Variants in MTMR3 observed in about 807,000 individuals in gnomAD.
The protein encoded by MTMR3 is myotubularin related protein 3, also known as phosphatidylinositol-3,5-bisphosphate 3-phosphatase MTMR3.
MTMR3 carries 32 observed loss-of-function variants against 132.4 expected under a neutral mutation model. The ratio of observed to expected loss-of-function variants is 0.24; its 90% CI spans 0.18 to 0.32. The LOEUF (loss-of-function observed/expected upper bound fraction) is 0.32, where lower values mean the gene tolerates loss of function less well. Ranked by LOEUF, MTMR3 falls within the 10% of genes least tolerant of loss-of-function variation. The probability of loss-of-function intolerance (pLI) is 1.00; values close to 1 mark genes in which losing one functional copy is unlikely to be tolerated. For synonymous variants in MTMR3, 556 were observed against 550.3 expected (o/e 1.01, Z -0.14); for missense variants, 1,216 against 1,489.6 (o/e 0.82, Z 3.02).
At position 29,970,163 on chromosome 22, in the gene MTMR3, G is replaced by T. The variant is rs1039866206; in HGVS notation, c.-84-813G>T. ...CCAGGTAAAGGTATTAGTACAGATT[G>T]TAAGTTTTTAGAAGAGCATAGAATA... On this transcript the variant is annotated intron_variant, in intron 2 of 19. Coordinates refer to ENST00000401950, the MANE Select transcript of MTMR3 (RefSeq NM_021090.4). 4.6e-5 allele frequency among the ~76,000 whole-genome samples: 7 copies of T among 152,250 alleles called. No homozygotes were observed. The South Asian group carries it at 1.2e-3, about 27-fold the overall frequency.
rs927518782 is a variant in MTMR3 at position 30,028,666 on chromosome 22, G to A, written c.*2865G>A. On this transcript the variant is annotated 3_prime_UTR_variant, in exon 20 of 20. Coordinates refer to ENST00000401950, the MANE Select transcript of MTMR3 (RefSeq NM_021090.4). ...TAAGATCCAGAGTGACCTGCTCAGA[G>A]CTCCCCAGAGGCCTTCACTCTTTGG... 6.6e-6 allele frequency: 1 copy of A among 152,374 alleles called. No individual in the cohort carries two copies. Among genetic ancestry groups the A allele is most frequent in the Non-Finnish European group, 1.5e-5 (1 of 68,056 alleles). The allele number at this position is 152,374 out of a possible 1,614,324, so 9.4% of individuals were successfully genotyped here. A position where few individuals can be genotyped will look rare whatever the true frequency, so the allele number is the denominator to read the frequency against.
chr22:29,940,694 A>G (rs1421509302), intron 1 of MTMR3, among the ~76,000 whole-genome samples: 1 of 150,282 alleles, frequency 6.7e-6, no homozygotes, highest in African/African-American at 2.5e-5. Context: ...GTGGTTGAAC[A>G]GTTTCCTTGG....
intron 2 of MTMR3, among the ~76,000 whole-genome samples, chr22:29,966,930 C>G (rs1456855291): frequency 6.6e-6 from 1 of 151,798 alleles, no homozygotes; most frequent in Non-Finnish European, 1.5e-5. Context: ...TCTGACTTAC[C>G]CTCAGTAGTC....
chr22:29,978,904 C>A, intron 4 of MTMR3, 32 bp from the exon 5 acceptor site: 1 of 1,458,712 alleles, frequency 6.9e-7, no homozygotes, highest in Non-Finnish European at 9.5e-7. Context: ...TTAACTGCTT[C>A]AGAACTCTGA....
intron 1 of MTMR3, among the ~76,000 whole-genome samples, chr22:29,951,136 T>C (rs1392554265): frequency 6.6e-6 from 1 of 151,020 alleles, no homozygotes; most frequent in Non-Finnish European, 1.5e-5. Flanking sequence ...GGCCATAGAG[T>C]GAGACTCAGT....
chr22:29,957,182 T>A (rs989804250), intron 2 of MTMR3, 94 bp downstream of exon 2: 1 of 151,148 alleles, frequency 6.6e-6, no homozygotes, highest in African/African-American at 2.4e-5. Flanking sequence ...TACAGGTTGA[T>A]TTTTGGGGAT....
At chr22:29,927,582 G>A (rs1334835946) in intron 1 of MTMR3, among the ~76,000 whole-genome samples, 1 of 151,982 alleles carries the variant, frequency 6.6e-6, no homozygotes, top group Non-Finnish European at 1.5e-5. Flanking sequence ...ATTTCGAGGT[G>A]TTTAGCCGGT....
At position 30,012,506 on chromosome 22, in the gene MTMR3, C is replaced by T; in HGVS notation, c.1260C>T (p.Thr420=). ...ACTGCTCAGATGGCTGGGACCGCAC[C>T]CCCCAGATTGTGGCATTGGCTAAGC... ...LVHCSDGWDR[T]PQIVALAKLL... The change falls in exon 13 of 20, where the codon ACC becomes ACT. Residue 420 remains threonine, a synonymous_variant. Coordinates refer to ENST00000401950, the MANE Select transcript of MTMR3 (RefSeq NM_021090.4). 1 of 1,613,868 alleles carries T rather than the reference C, an allele frequency of 6.2e-7. No individual in the cohort carries two copies.
rs2067943442 is a variant in MTMR3 at position 30,027,983 on chromosome 22, G to T, written c.*2182G>T. The T allele has an allele frequency of 6.6e-6, 1 of 152,356 alleles. No individual in the cohort carries two copies. Among genetic ancestry groups the T allele is most frequent in the South Asian group, 2.1e-4 (1 of 4,830 alleles). 9.4% of individuals were successfully genotyped at this position (152,356 alleles called of 1,614,324 possible). The stretch of plus-strand genomic sequence containing the variant: ...TGACCTTTGGCAAAGGAAAGCTACA[G>T]ATAGCCTTCCGACTCTAGACCTTGG... On this transcript the variant is annotated 3_prime_UTR_variant, in exon 20 of 20. Coordinates refer to ENST00000401950, the MANE Select transcript of MTMR3 (RefSeq NM_021090.4).
At chr22:30,023,423 C>T (rs1398532468) in intron 19 of MTMR3, 1 of 1,613,894 alleles carries the variant, frequency 6.2e-7, no homozygotes, top group African/African-American at 1.3e-5. Context: ...CTTTGGTTGG[C>T]TTCTCTTCTG....
chr22:29,944,869 T>C (rs2065923150), intron 1 of MTMR3, among the ~76,000 whole-genome samples: 1 of 152,248 alleles, frequency 6.6e-6, no homozygotes, highest in African/African-American at 2.4e-5. Context: ...ATTTGCTAAA[T>C]AGATATTTCA....
chr22:30,013,316 A>G, intron 13 of MTMR3, 40 bp from the exon 14 acceptor site: 1 of 1,601,382 alleles, frequency 6.2e-7, no homozygotes, highest in African/African-American at 1.3e-5. Context: ...CAGTCTGGAT[A>G]GTCTAGCACA....
intron 1 of MTMR3, among the ~76,000 whole-genome samples, chr22:29,949,498 G>C (rs1264934837): frequency 2.8e-4 from 32 of 114,008 alleles, no homozygotes; most frequent in African/African-American, 1.1e-3. Flanking sequence ...TCTGTCCCCC[G>C]CGCCCCCCCC....
chr22:29,936,880 G>C (rs2065760144), intron 1 of MTMR3, among the ~76,000 whole-genome samples: 1 of 151,974 alleles, frequency 6.6e-6, no homozygotes, highest in Admixed American at 6.6e-5. Context: ...TAAAAAATAT[G>C]GCCCCTCATG....
At chr22:29,933,735 T>G (rs911764844) in intron 1 of MTMR3, among the ~76,000 whole-genome samples, 16 of 145,608 alleles carry the variant, frequency 1.1e-4, no homozygotes, top group Admixed American at 4.8e-4. Context: ...AGTTCTGTGT[T>G]TTTTTTTTTT....
intron 1 of MTMR3, among the ~76,000 whole-genome samples, chr22:29,928,631 GTTTT>G (rs1298508209): frequency 6.6e-6 from 1 of 151,840 alleles, no homozygotes. Context: ...GCTGTTTCTA[GTTTT>G]TTGTTTTTAC....
chr22:29,957,948 T>C (rs761564673), intron 2 of MTMR3, among the ~76,000 whole-genome samples: 8 of 152,100 alleles, frequency 5.3e-5, no homozygotes, highest in African/African-American at 9.7e-5. Flanking sequence ...TGTTTCTAAT[T>C]TATAAAGTAA....
intron 3 of MTMR3, among the ~76,000 whole-genome samples, chr22:29,976,663 A>C (rs969070781): frequency 7.2e-5 from 11 of 152,168 alleles, no homozygotes; most frequent in Admixed American, 6.5e-5. Context: ...TTTTTGCACT[A>C]TTAGTATAGA....
rs760308488 is a variant in MTMR3, at chr22:30,012,559, T to C, written c.1313T>C (p.Ile438Thr). ...TTGCTGGACCCTTATTACCGAACCATAGAGGTGAGCCCATCCAAATGGGAG... is the reference window on the plus strand; with the variant it reads ...TTGCTGGACCCTTATTACCGAACCACAGAGGTGAGCCCATCCAAATGGGAG... ...KLLLDPYYRT[I>T]EGFQVLVEME... The change falls in exon 13 of 20, where the codon ATA becomes ACA. Residue 438 changes from isoleucine (I) to threonine (T), a missense_variant. By Grantham distance (89) the Ile-to-Thr change is moderately conservative. Coordinates refer to ENST00000401950, the MANE Select transcript of MTMR3 (RefSeq NM_021090.4). 69 of 1,608,248 alleles carry C rather than the reference T, an allele frequency of 4.3e-5. No individual in the cohort carries two copies. In the South Asian group the frequency reaches 6.0e-4, roughly 14 times the overall value.
Sources: allele counts gnomAD v4.1 joint callset (sites outside exome capture counted in the v4.1 genomes callset), GRCh38; gene constraint gnomAD v4.1.1; transcripts MANE v1.5; gene names NCBI Gene and HGNC (gene_info 2026-07-23, HGNC 2026-07-21).